The following SPARCL1 variants were observed in gnomAD, a reference collection of about 807,000 sequenced individuals.
SPARCL1 encodes the protein SPARC-like protein 1.
Under a neutral mutation model 67.1 loss-of-function variants are expected in SPARCL1, and 52 were observed. The observed-to-expected ratio is 0.78, with a 90% confidence interval of 0.62 to 0.98. SPARCL1 has a LOEUF of 0.98. SPARCL1 is among the 50% of genes least tolerant of loss of function. The pLI is 0.00. For synonymous variants in SPARCL1, 226 were observed against 267.8 expected (o/e 0.84, Z 1.52); for missense variants, 717 against 782.4 (o/e 0.92, Z 1.00).
chr4:87,510,482 A>G (rs944339655), intron 1 of SPARCL1, among the ~76,000 whole-genome samples: 1 of 152,144 alleles, frequency 6.6e-6, no homozygotes, highest in Non-Finnish European at 1.5e-5. Context: ...TGTGCCCATA[A>G]AGACCCCAGA....
rs140475154 is a variant in SPARCL1, at chr4:87,505,201, C to T, written c.-11-5616G>A. On this transcript the variant is annotated intron_variant, in intron 1 of 10. Coordinates refer to ENST00000282470, the MANE Select transcript of SPARCL1 (RefSeq NM_004684.6). ...GTGAGACCTAGATGATCCTCTAACC[C>T]TAATATTTTAGGATTCTAAAATTGA... Among the ~76,000 whole-genome samples the T allele has an allele frequency of 5.8e-4, 89 of 152,206 alleles. 2 individuals carry two copies. Among genetic ancestry groups the T allele is most frequent in the African/African-American group, 2.0e-3 (83 of 41,534 alleles).
chr4:87,495,007 A>G lies in SPARCL1; in HGVS notation c.175T>C (p.Ser59Pro), dbSNP rs908416607. The change falls in exon 3 of 11, where the codon TCC becomes CCC. Residue 59 changes from serine to proline, a missense_variant. Physicochemically the swap from Ser to Pro is moderately conservative, Grantham distance 74 (BLOSUM62 -1). Coordinates refer to ENST00000282470, the MANE Select transcript of SPARCL1 (RefSeq NM_004684.6). The part of the protein sequence containing the change: ...AEENEKETAV[S>P]TEDDSHHKAE... ...TTATGGTGGGAATCGTCTTCTGTGGATACTGCTGTTTCTTTTTCATTTTCT... is the reference window on the plus strand; with the variant it reads ...TTATGGTGGGAATCGTCTTCTGTGGGTACTGCTGTTTCTTTTTCATTTTCT... The G allele has an allele frequency of 1.9e-6, 3 of 1,611,626 alleles. No individual in the cohort carries two copies. The African/African-American group carries it at 4.0e-5, about 22-fold the overall frequency.
chr4:87,508,286 TC>T (rs1293324647), intron 1 of SPARCL1, among the ~76,000 whole-genome samples: 1 of 151,752 alleles, frequency 6.6e-6, no homozygotes, highest in Non-Finnish European at 1.5e-5. Context: ...GATTTTGACC[TC>T]CTGGGCCCAA....
chr4:87,495,705 C>T (rs1337314379), intron 2 of SPARCL1, among the ~76,000 whole-genome samples: 1 of 152,102 alleles, frequency 6.6e-6, no homozygotes, highest in Non-Finnish European at 1.5e-5. Flanking sequence ...GGGTGGATCA[C>T]CTGAGGTCAA....
At chr4:87,497,161 T>C in intron 2 of SPARCL1, 7 of 977,500 alleles carry the variant, frequency 7.2e-6, no homozygotes, top group Non-Finnish European at 8.5e-6. Context: ...GGATTACAGA[T>C]GTGAGCCACG....
chr4:87,519,472 G>C (rs1725716610), intron 1 of SPARCL1, among the ~76,000 whole-genome samples: 1 of 152,114 alleles, frequency 6.6e-6, no homozygotes, highest in South Asian at 2.1e-4. Context: ...ACTTTGAATG[G>C]TGGGTTCATT....
Position 87,482,476 on chromosome 4 carries a change from T to C in SPARCL1, c.1616A>G (p.Tyr539Cys). The change falls in exon 8 of 11, where the codon TAT becomes TGT. Residue 539 changes from tyrosine to cysteine, a missense_variant. Coordinates refer to ENST00000282470, the MANE Select transcript of SPARCL1 (RefSeq NM_004684.6). ...DWLKNILMQL[Y>C]EANSEHAGYL... The stretch of plus-strand genomic sequence containing the variant: ...ACCAGCGTGTTCAGAGTTGGCTTCA[T>C]AAAGCTGCATGAGGATATTCTTGAG... The C allele has an allele frequency of 6.2e-7, 1 of 1,614,024 alleles. No homozygotes were observed. Among genetic ancestry groups the C allele is most frequent in the East Asian group, 2.2e-5 (1 of 44,884 alleles).
At chr4:87,520,246 C>CAAAAAAA (rs71667860) in intron 1 of SPARCL1, among the ~76,000 whole-genome samples, 1 of 105,230 alleles carries the variant, frequency 9.5e-6, no homozygotes, top group Admixed American at 1.1e-4. Context: ...GACACTGTCT[C>CAAAAAAA]AAAAAAAAAA....
At chr4:87,482,682 A>G in intron 7 of SPARCL1, 122 bp from the exon 8 acceptor site, 1 of 1,010,230 alleles carries the variant, frequency 9.9e-7, no homozygotes, top group Non-Finnish European at 1.5e-6. Context: ...CCCCATTATT[A>G]TGACAGTGGT....
At chr4:87,495,829 G>T (rs1724593204) in intron 2 of SPARCL1, among the ~76,000 whole-genome samples, 1 of 152,184 alleles carries the variant, frequency 6.6e-6, no homozygotes, top group African/African-American at 2.4e-5. Context: ...TACTCGGGAG[G>T]CTGAGGCAGG....
In SPARCL1 at chr4:87,490,822, C is replaced by T. The variant is rs771013611; in HGVS notation, c.1348G>A (p.Gly450Arg). The T allele has an allele frequency of 3.7e-5, 60 of 1,612,586 alleles. 1 individual carries two copies. In the East Asian group the frequency reaches 1.3e-3, roughly 35 times the overall value. ...RGHICKADQQ[G>R]KPHCVCQDPV... ...TCCTGGCAGACACAGTGAGGTTTTCCCTGTTGGTCTGCCTTACAGATGTGG... is the reference window on the plus strand; with the variant it reads ...TCCTGGCAGACACAGTGAGGTTTTCTCTGTTGGTCTGCCTTACAGATGTGG... The change falls in exon 6 of 11, where the codon GGA (glycine) becomes AGA (arginine). Residue 450 changes from glycine to arginine, a missense_variant. Transcript: ENST00000282470.
intron 1 of SPARCL1, among the ~76,000 whole-genome samples, chr4:87,509,605 C>T (rs952722868): frequency 6.6e-6 from 1 of 152,130 alleles, no homozygotes; most frequent in Non-Finnish European, 1.5e-5. Context: ...AGCATCGAGT[C>T]TCTAGGATGT....
intron 4 of SPARCL1, among the ~76,000 whole-genome samples, chr4:87,491,953 CCCAA>C (rs772519464): frequency 0.066 from 2,892 of 44,102 alleles, 72 homozygotes; most frequent in African/African-American, 0.24. Context: ...CACCCCCCCC[CCCAA>C]AAAAAAAAAA....
chr4:87,496,439 G>A (rs1290843771), intron 2 of SPARCL1, among the ~76,000 whole-genome samples: 3 of 151,862 alleles, frequency 2.0e-5, no homozygotes, highest in East Asian at 3.9e-4. Context: ...GTCTGGCCTC[G>A]AACTTCTGAA....
intron 1 of SPARCL1, among the ~76,000 whole-genome samples, chr4:87,503,431 C>T (rs1724928098): frequency 6.6e-6 from 1 of 152,148 alleles, no homozygotes; most frequent in Non-Finnish European, 1.5e-5. Context: ...TTTGTCTCCT[C>T]TTCTTTTATC....
At position 87,494,254 on chromosome 4, in the gene SPARCL1, G is replaced by T. The variant is rs755305276; in HGVS notation, c.546C>A (p.Ser182Arg). ...HHQLNRSSKH[S>R]QGLRDQGNQE... Reference sequence around the variant, plus strand: ...GGTTTCCTTGATCCCTTAGGCCTTGGCTATGTTTACTGCTCCTGTTCAACT... The same window carrying T: ...GGTTTCCTTGATCCCTTAGGCCTTGTCTATGTTTACTGCTCCTGTTCAACT... The change falls in exon 4 of 11, where the codon AGC becomes AGA. Residue 182 changes from serine to arginine, a missense_variant. Coordinates refer to ENST00000282470, the MANE Select transcript of SPARCL1 (RefSeq NM_004684.6). 2.5e-6 allele frequency: 4 copies of T among 1,613,924 alleles called. No homozygotes were observed. Among genetic ancestry groups the T allele is most frequent in the Non-Finnish European group, 2.5e-6 (3 of 1,179,988 alleles).
At chr4:87,496,087 T>C (rs1176265806) in intron 2 of SPARCL1, among the ~76,000 whole-genome samples, 1 of 152,146 alleles carries the variant, frequency 6.6e-6, no homozygotes, top group Admixed American at 6.5e-5. Flanking sequence ...CAGTGATGCA[T>C]GATGGGGAAG....
chr4:87,522,122 T>G (rs1725843621), intron 1 of SPARCL1, among the ~76,000 whole-genome samples: 1 of 152,156 alleles, frequency 6.6e-6, no homozygotes, highest in Non-Finnish European at 1.5e-5. Context: ...TTAATGAGTC[T>G]CTGGGGAGAG....
intron 10 of SPARCL1, among the ~76,000 whole-genome samples, chr4:87,475,852 A>G (rs1472789196): frequency 6.6e-6 from 1 of 152,238 alleles, no homozygotes; most frequent in Non-Finnish European, 1.5e-5. Flanking sequence ...AAACAGATCT[A>G]CTATTCAACC....
Sources: allele counts gnomAD v4.1 joint callset (sites outside exome capture counted in the v4.1 genomes callset), GRCh38; gene constraint gnomAD v4.1.1; transcripts MANE v1.5; gene names NCBI Gene and HGNC (gene_info 2026-07-23, HGNC 2026-07-21).